The following APOOL variants were observed in gnomAD, a reference collection of about 807,000 sequenced individuals.
APOOL encodes the protein MICOS complex subunit MIC27.
A neutral mutation model predicts 23.1 loss-of-function variants in APOOL; 12 were observed. That is an observed-to-expected ratio of 0.52 (90% confidence interval 0.33 to 0.84). The LOEUF is 0.84. APOOL is among the 40% of genes least tolerant of loss of function. The pLI, the probability that APOOL is intolerant of heterozygous loss-of-function variation, is 0.02. For synonymous variants in APOOL, 77 were observed against 69.9 expected (o/e 1.10, Z -0.51); for missense variants, 212 against 199.6 (o/e 1.06, Z -0.37).
intron 5 of APOOL, among the ~76,000 whole-genome samples, chrX:85,060,270 G>A (rs1160417792): frequency 9.6e-6 from 1 of 104,521 alleles, no homozygotes; most frequent in Non-Finnish European, 2.0e-5. Flanking sequence ...ATGCTGTTTT[G>A]GTTACTGTAG....
At chrX:85,036,342 T>C (rs1922215283) in intron 1 of APOOL, among the ~76,000 whole-genome samples, 1 of 112,341 alleles carries the variant, frequency 8.9e-6, no homozygotes, top group African/African-American at 3.2e-5. Context: ...TCCCAAAACT[T>C]CGCTGGAGTT....
At chrX:85,075,607 A>T (rs193263980) in intron 8 of APOOL, among the ~76,000 whole-genome samples, 9 of 111,815 alleles carry the variant, frequency 8.0e-5, no homozygotes, top group African/African-American at 2.9e-4. Flanking sequence ...TCTACCAGTG[A>T]CCATATTCTC....
rs763931724 is a variant in APOOL, at chrX:85,016,502, G to A, written c.15+12575G>A. Among the ~76,000 whole-genome samples, 3 of 110,969 alleles carry A rather than the reference G, an allele frequency of 2.7e-5. No homozygotes were observed. In the East Asian group the frequency reaches 8.7e-4, roughly 32 times the overall value. On this transcript the variant is annotated intron_variant, in intron 1 of 8. Transcript: ENST00000373173. ...TATAGGAATGTTGATCTTCCAGGTA[G>A]CGGGGAATTGTGACTCTGCCTCTCA... is the stretch of plus-strand genomic sequence containing the variant.
chrX:85,039,087 GT>G (rs1922323010), intron 1 of APOOL, among the ~76,000 whole-genome samples: 1 of 110,550 alleles, frequency 9.0e-6, no homozygotes, highest in Admixed American at 9.7e-5. Context: ...TGTCCCAGGG[GT>G]TCTGGTATGT....
intron 6 of APOOL, among the ~76,000 whole-genome samples, chrX:85,068,414 T>C (rs1277862144): frequency 9.7e-6 from 1 of 103,522 alleles, no homozygotes; most frequent in Non-Finnish European, 2.0e-5. Flanking sequence ...TTTTTTTTCT[T>C]TTTTTTTTTG....
Position 85,067,531 on chromosome X carries a change from G to T in APOOL, c.486+313G>T, listed in dbSNP as rs192589372. Among the ~76,000 whole-genome samples the T allele has an allele frequency of 6.4e-5, 7 of 109,905 alleles. No individual in the cohort carries two copies. In the East Asian group the frequency reaches 2.0e-3, roughly 32 times the overall value. On this transcript the variant is annotated intron_variant, in intron 6 of 8. Transcript: ENST00000373173. ...TATAAACTTCAATTTTTATTTAAAA[G>T]AAGATTAAAATGCTAGCAGCTGTTT... is the stretch of plus-strand genomic sequence containing the variant.
chrX:85,033,492 A>G (rs1922112296), intron 1 of APOOL, among the ~76,000 whole-genome samples: 1 of 112,028 alleles, frequency 8.9e-6, no homozygotes, highest in Non-Finnish European at 1.9e-5. Context: ...ATTCTCAGTA[A>G]GCTAGTGAAT....
rs763022623 is a variant in APOOL, at chrX:85,087,624, G to A, written c.753G>A (p.Met251Ile). 2.5e-6 allele frequency: 3 copies of A among 1,201,986 alleles called. No homozygotes were observed. The highest frequency in any genetic ancestry group is 3.4e-6 in the Non-Finnish European group (3 of 890,694). ...ATQFMPDPKL[M>I]DHGQSHPEDI... Reference sequence around the variant, plus strand: ...AGTTTATGCCTGACCCCAAGCTCATGGATCACGGGCAGTCCCACCCAGAAG... The same window carrying A: ...AGTTTATGCCTGACCCCAAGCTCATAGATCACGGGCAGTCCCACCCAGAAG... Residue 251 changes from methionine (M) to isoleucine (I), a missense_variant, in exon 9 of 9, where the codon ATG becomes ATA. Met to Ile is a conservative substitution (Grantham distance 10). Coordinates refer to ENST00000373173, the MANE Select transcript of APOOL (RefSeq NM_198450.6).
At chrX:85,048,425 A>G (rs1922651906) in intron 2 of APOOL, among the ~76,000 whole-genome samples, 1 of 111,793 alleles carries the variant, frequency 8.9e-6, no homozygotes, top group Admixed American at 9.5e-5. Flanking sequence ...ATTTTAAAAT[A>G]AAGTAGTGCT....
rs1922935846 is a variant in APOOL, at chrX:85,055,694, ATG to A, written c.296-131_296-130del. ...AGCTTGCTACTCATATTGTCATTAT[ATG>A]TAGCTCTTTTGAAGAATATTTAAAC... On this transcript the variant is annotated intron_variant, in intron 4 of 8. Coordinates refer to ENST00000373173, the MANE Select transcript of APOOL (RefSeq NM_198450.6). 1.2e-5 allele frequency: 5 copies of A among 402,081 alleles called. No individual in the cohort carries two copies. In the South Asian group the frequency reaches 2.9e-4, roughly 24 times the overall value. The allele number at this position is 402,081 out of a possible 1,213,427, so 33.1% of individuals were successfully genotyped here. A position where few individuals can be genotyped will look rare whatever the true frequency, so the allele number is the denominator to read the frequency against.
intron 1 of APOOL, among the ~76,000 whole-genome samples, chrX:85,019,175 G>C: frequency 8.9e-6 from 1 of 112,054 alleles, no homozygotes; most frequent in Non-Finnish European, 1.9e-5. Flanking sequence ...TGCATGATCA[G>C]TGGCTGCTAT....
intron 1 of APOOL, among the ~76,000 whole-genome samples, chrX:85,030,628 C>G (rs1335068419): frequency 8.9e-6 from 1 of 111,902 alleles, no homozygotes; most frequent in East Asian, 2.8e-4. Context: ...GACTGGCAGC[C>G]ATTCTTCTAA....
At chrX:85,064,558 G>A (rs1176380852) in intron 5 of APOOL, among the ~76,000 whole-genome samples, 1 of 110,288 alleles carries the variant, frequency 9.1e-6, no homozygotes, top group Admixed American at 9.8e-5. Flanking sequence ...TAGCTGTGTC[G>A]CAGAGATTCT....
chrX:85,018,636 ATTCT>A (rs747341322), intron 1 of APOOL, among the ~76,000 whole-genome samples: 11 of 108,651 alleles, frequency 1.0e-4, no homozygotes, highest in African/African-American at 2.0e-4. Flanking sequence ...AAGTTTGCAG[ATTCT>A]TTCTTCTGTT....
intron 4 of APOOL, among the ~76,000 whole-genome samples, chrX:85,055,471 A>G (rs920185777): frequency 9.0e-6 from 1 of 111,558 alleles, no homozygotes; most frequent in Non-Finnish European, 1.9e-5. Flanking sequence ...GTTTGAACAG[A>G]TAAGGGCAGA....
intron 1 of APOOL, among the ~76,000 whole-genome samples, chrX:85,005,394 A>ACGCCCCCCCCCCC (rs1466980005): frequency 3.9e-4 from 1 of 2,595 alleles, no homozygotes; most frequent in African/African-American, 1.2e-3. Context: ...CTCGTGATTC[A>ACGCCCCCCCCCCC]CCCCCCCCCC....
intron 8 of APOOL, 55 bp downstream of exon 8, chrX:85,074,446 G>C (rs771922824): frequency 1.8e-6 from 2 of 1,139,606 alleles, no homozygotes; most frequent in African/African-American, 3.6e-5. Context: ...TAATTTGATA[G>C]CATTATCATT....
At chrX:85,058,627 C>T (rs944975346) in intron 5 of APOOL, among the ~76,000 whole-genome samples, 7 of 111,434 alleles carry the variant, frequency 6.3e-5, no homozygotes, top group African/African-American at 2.3e-4. Flanking sequence ...ATTTCCGGTT[C>T]TAAATCTTTG....
chrX:85,017,136 T>TAA (rs1228860273), intron 1 of APOOL, among the ~76,000 whole-genome samples: 1 of 111,782 alleles, frequency 8.9e-6, no homozygotes, highest in Non-Finnish European at 1.9e-5. Context: ...GCAGGGTTAT[T>TAA]AAGTGGATCT....
Sources: allele counts gnomAD v4.1 joint callset (sites outside exome capture counted in the v4.1 genomes callset), GRCh38; gene constraint gnomAD v4.1.1; transcripts MANE v1.5; gene names NCBI Gene and HGNC (gene_info 2026-07-23, HGNC 2026-07-21).